Variants in ATP8A2 observed in about 807,000 individuals in gnomAD.
ATP8A2 encodes ATPase phospholipid transporting 8A2.
In ATP8A2, 100 loss-of-function variants were observed where a neutral mutation model predicts 165.6. That is an observed-to-expected ratio of 0.60 (90% CI 0.51 to 0.71). ATP8A2 has a LOEUF of 0.71. ATP8A2 is among the 30% of genes least tolerant of loss of function. ATP8A2 has a pLI of 0.00. For missense variants in ATP8A2, 1,227 were observed against 1,479.5 expected, an observed-to-expected ratio of 0.83 and a Z score of 2.80; for synonymous variants, 543 against 548.8, an observed-to-expected ratio of 0.99 and a Z score of 0.15.
chr13:25,875,212 C>G (rs1285865076), intron 33 of ATP8A2, among the ~76,000 whole-genome samples: 1 of 152,032 alleles, frequency 6.6e-6, no homozygotes, highest in Admixed American at 6.5e-5. Context: ...ACTGAACTTT[C>G]CTTAAAATGG....
At chr13:25,992,030 A>G (rs1029957094) in intron 35 of ATP8A2, among the ~76,000 whole-genome samples, 5 of 151,982 alleles carry the variant, frequency 3.3e-5, no homozygotes, top group South Asian at 4.2e-4. Flanking sequence ...CATAATTCAA[A>G]CACATAAACT....
chr13:25,769,002 T>C, intron 25 of ATP8A2, 44 bp from the exon 26 acceptor site: 1 of 1,577,952 alleles, frequency 6.3e-7, no homozygotes, highest in Non-Finnish European at 8.7e-7. Flanking sequence ...CTGTTTCCTC[T>C]GGAAAGACAT....
At chr13:25,580,040 G>A (rs1373324223) in intron 22 of ATP8A2, 93 bp downstream of exon 22, 6 of 1,402,452 alleles carry the variant, frequency 4.3e-6, no homozygotes, top group Non-Finnish European at 2.9e-6. Context: ...TACTATGTAG[G>A]GATGTTCTCT....
intron 2 of ATP8A2, among the ~76,000 whole-genome samples, chr13:25,497,041 C>T (rs1004577718): frequency 6.6e-5 from 10 of 152,090 alleles, no homozygotes; most frequent in Non-Finnish European, 1.5e-4. Flanking sequence ...CGGCAGGCTG[C>T]GGGGCCCTCA....
chr13:25,627,210 C>T (rs1217764860), intron 24 of ATP8A2, among the ~76,000 whole-genome samples: 1 of 152,068 alleles, frequency 6.6e-6, no homozygotes, highest in African/African-American at 2.4e-5. Context: ...CAAGGTGGTA[C>T]AGTGGCAGAA....
intron 24 of ATP8A2, among the ~76,000 whole-genome samples, chr13:25,592,656 C>T (rs2040120613): frequency 6.6e-6 from 1 of 152,164 alleles, no homozygotes; most frequent in Non-Finnish European, 1.5e-5. Context: ...TCAAAGGTAT[C>T]TCTAACCTTG....
intron 16 of ATP8A2, among the ~76,000 whole-genome samples, chr13:25,569,093 G>A (rs1378069107): frequency 6.6e-6 from 1 of 151,980 alleles, no homozygotes; most frequent in Non-Finnish European, 1.5e-5. Context: ...GTTTCATTAC[G>A]GGACAAGGTT....
intron 29 of ATP8A2, among the ~76,000 whole-genome samples, chr13:25,838,619 A>T (rs1340040152): frequency 6.6e-6 from 1 of 152,046 alleles, no homozygotes; most frequent in Non-Finnish European, 1.5e-5. Flanking sequence ...GAACATTTAA[A>T]GCAGGGGAAA....
At chr13:25,691,887 T>C (rs892361622) in intron 24 of ATP8A2, among the ~76,000 whole-genome samples, 2 of 152,216 alleles carry the variant, frequency 1.3e-5, no homozygotes, top group Non-Finnish European at 2.9e-5. Context: ...TTTGCTATAT[T>C]TGTGCTTTGA....
chr13:25,809,069 A>G (rs968619539), intron 27 of ATP8A2, among the ~76,000 whole-genome samples: 13 of 152,230 alleles, frequency 8.5e-5, no homozygotes, highest in African/African-American at 2.4e-4. Context: ...GACTTGGACA[A>G]TGACACTGCT....
intron 34 of ATP8A2, among the ~76,000 whole-genome samples, 180 bp from the exon 35 acceptor site, chr13:25,968,395 T>C (rs897674330): frequency 2.6e-5 from 4 of 152,170 alleles, no homozygotes; most frequent in Admixed American, 2.0e-4. Flanking sequence ...CTCAGGATAC[T>C]TCCGGGCTGT....
intron 24 of ATP8A2, among the ~76,000 whole-genome samples, chr13:25,618,711 T>G (rs1405025711): frequency 6.8e-6 from 1 of 147,458 alleles, no homozygotes; most frequent in Non-Finnish European, 1.5e-5. Context: ...CCCAGCAAGA[T>G]CTCTATGTAG....
intron 25 of ATP8A2, among the ~76,000 whole-genome samples, chr13:25,710,634 A>C (rs373110187): frequency 6.6e-6 from 1 of 152,214 alleles, no homozygotes; most frequent in East Asian, 1.9e-4. Context: ...AACTTGAGGG[A>C]GTACCTACTG....
chr13:25,629,968 A>G (rs1159608273), intron 24 of ATP8A2, among the ~76,000 whole-genome samples: 1 of 152,170 alleles, frequency 6.6e-6, no homozygotes, highest in African/African-American at 2.4e-5. Flanking sequence ...TTGCTGAAGT[A>G]TTTATAGTAC....
chr13:25,479,504 A>G (rs2036095777), intron 2 of ATP8A2, among the ~76,000 whole-genome samples: 1 of 151,896 alleles, frequency 6.6e-6, no homozygotes, highest in Admixed American at 6.6e-5. Context: ...TTTTATTTTT[A>G]TTTTTATTGA....
At chr13:25,868,608 T>C (rs911144792) in intron 33 of ATP8A2, among the ~76,000 whole-genome samples, 1 of 152,154 alleles carries the variant, frequency 6.6e-6, no homozygotes, top group African/African-American at 2.4e-5. Context: ...ACACACTGTG[T>C]TTCTGGATGA....
chr13:25,771,868 C>G (rs576205864), intron 26 of ATP8A2, among the ~76,000 whole-genome samples: 1 of 152,186 alleles, frequency 6.6e-6, no homozygotes, highest in African/African-American at 2.4e-5. Flanking sequence ...AATTTCTTTG[C>G]CTCTCTTGAA....
At chr13:25,963,487 T>C (rs1371631147) in intron 34 of ATP8A2, among the ~76,000 whole-genome samples, 1 of 152,100 alleles carries the variant, frequency 6.6e-6, no homozygotes, top group Non-Finnish European at 1.5e-5. Flanking sequence ...ATAGGCCCAA[T>C]TGTGACACAA....
chr13:25,877,235 CTT>C (rs1395301125), intron 33 of ATP8A2, among the ~76,000 whole-genome samples: 1 of 152,068 alleles, frequency 6.6e-6, no homozygotes, highest in African/African-American at 2.4e-5. Flanking sequence ...CCCCCAAAAA[CTT>C]TTTTTAAAAA....
Sources: gnomAD v4.1 joint callset for allele counts (sites outside exome capture counted in the v4.1 genomes callset) on GRCh38, gnomAD v4.1.1 for gene constraint, MANE v1.5 for transcripts, NCBI Gene and HGNC (gene_info 2026-07-23, HGNC 2026-07-21) for gene names.